Variants in ATP13A4 observed in about 807,000 individuals in gnomAD.
ATP13A4 encodes the protein probable cation-transporting ATPase 13A4.
Under a neutral mutation model 142.5 loss-of-function variants are expected in ATP13A4, and 114 were observed. The observed-to-expected ratio is 0.80, with a 90% CI of 0.69 to 0.93. The LOEUF (loss-of-function observed/expected upper bound fraction) is 0.93. Ranked by LOEUF, ATP13A4 falls within the 40% of genes least tolerant of loss-of-function variation. The pLI, the probability that ATP13A4 is intolerant of heterozygous loss-of-function variation, is 0.00. For missense variants in ATP13A4, 1,392 were observed against 1,454.0 expected, an observed-to-expected ratio of 0.96 and a Z score of 0.69; for synonymous variants, 488 against 514.8, an observed-to-expected ratio of 0.95 and a Z score of 0.70.
chr3:193,512,984 T>C (rs1246759010), intron 2 of ATP13A4, among the ~76,000 whole-genome samples: 1 of 152,258 alleles, frequency 6.6e-6, no homozygotes, highest in African/African-American at 2.4e-5. Context: ...TCACTTGCTC[T>C]TATTCCACAA....
intron 2 of ATP13A4, among the ~76,000 whole-genome samples, chr3:193,507,369 C>T (rs1720913592): frequency 6.6e-6 from 1 of 152,038 alleles, no homozygotes. Context: ...TGGCCAGACT[C>T]ATTGATGCTC....
At chr3:193,448,167 C>A in intron 18 of ATP13A4, 39 bp downstream of exon 18, 1 of 1,611,528 alleles carries the variant, frequency 6.2e-7, no homozygotes, top group Non-Finnish European at 8.5e-7. Flanking sequence ...ATTTCCACAT[C>A]AAATTCTTAC....
intron 3 of ATP13A4, among the ~76,000 whole-genome samples, chr3:193,496,483 C>G (rs959015679): frequency 6.6e-6 from 1 of 152,150 alleles, no homozygotes; most frequent in African/African-American, 2.4e-5. Context: ...AGGATAGTCT[C>G]CTTAATAAAC....
At chr3:193,418,105 G>C (rs1489778944) in intron 25 of ATP13A4, among the ~76,000 whole-genome samples, 2 of 85,312 alleles carry the variant, frequency 2.3e-5, no homozygotes, top group East Asian at 4.6e-4. Flanking sequence ...CTGGGCGACA[G>C]AGCGAGACTC....
intron 1 of ATP13A4, among the ~76,000 whole-genome samples, chr3:193,585,876 G>T (rs193247696): frequency 1.4e-4 from 22 of 152,216 alleles, no homozygotes; most frequent in Admixed American, 1.0e-3. Context: ...GACCAAAGGG[G>T]AAGTGTATAT....
In ATP13A4 at chr3:193,448,327, CT is replaced by C; in HGVS notation, c.2030del (p.Glu677GlyfsTer3). 1 of 1,613,934 alleles carries C rather than the reference CT, an allele frequency of 6.2e-7. No homozygotes were observed. ...GAAATATCAGGTCTGATTCTACCGT[CT>C]CCCTGAAAATACATATATAGATGTA... The part of the protein sequence containing the change: ...NDHHATTLTR[E>X]TVESDLIFLG... On this transcript the variant is annotated frameshift_variant and splice_region_variant, in exon 18 of 30. Transcript: ENST00000342695. LOFTEE classifies it high-confidence loss of function.
chr3:193,475,531 T>TA (rs1449506200), intron 8 of ATP13A4, among the ~76,000 whole-genome samples: 1 of 151,702 alleles, frequency 6.6e-6, no homozygotes, highest in East Asian at 1.9e-4. Context: ...TAAGAATAAA[T>TA]AAAAACCAAA....
At position 193,448,257 on chromosome 3, in the gene ATP13A4, G is replaced by C. The variant is rs1717069987; in HGVS notation, c.2101C>G (p.Pro701Ala). The change falls in exon 18 of 30, where the codon CCT becomes GCT. Residue 701 changes from proline to alanine, a missense_variant. Transcript: ENST00000342695. ...GCTGAGATGAGCTCTTCCAAGACAG[G>C]TTTTGTCTCTTCCTTCAATCGATTC... ...LENRLKEETK[P>A]VLEELISARI... is the part of the protein sequence containing the mutation. 1 of 1,613,974 alleles carries C rather than the reference G, an allele frequency of 6.2e-7. No individual in the cohort carries two copies. The highest frequency in any genetic ancestry group is 1.1e-5 in the South Asian group (1 of 91,078).
In ATP13A4 at chr3:193,503,994, CAT is replaced by C. The variant is rs1491097269; in HGVS notation, c.235-1357_235-1356del. ...CCAGGCTTAGCACAGGTTCTGTGTG[CAT>C]GTGTGTGTGTGTGTGTGTGTGTGTG... is the stretch of plus-strand genomic sequence containing the variant. On this transcript the variant is annotated intron_variant, in intron 2 of 29. Coordinates refer to ENST00000342695, the MANE Select transcript of ATP13A4 (RefSeq NM_032279.4). Among the ~76,000 whole-genome samples, 181 of 108,208 alleles carry C rather than the reference CAT, an allele frequency of 1.7e-3. 2 individuals carry two copies. In the East Asian group the frequency reaches 0.042, roughly 25 times the overall value. The allele number at this position is 108,208 out of a possible 152,430, so 71.0% of individuals were successfully genotyped here.
intron 21 of ATP13A4, among the ~76,000 whole-genome samples, chr3:193,439,673 G>T (rs371005204): frequency 6.6e-6 from 1 of 152,206 alleles, no homozygotes; most frequent in African/African-American, 2.4e-5. Context: ...ACTTTTTGAG[G>T]CTGGGTGAAT....
chr3:193,445,672 G>A (rs7620854), intron 18 of ATP13A4, among the ~76,000 whole-genome samples: 5,625 of 151,396 alleles, frequency 0.037, 347 homozygotes, highest in African/African-American at 0.13. Flanking sequence ...CAGGAGAATC[G>A]CTTGAACCCG....
chr3:193,454,287 C>T, intron 16 of ATP13A4, 75 bp from the exon 17 acceptor site: 1 of 1,149,668 alleles, frequency 8.7e-7, no homozygotes, highest in Non-Finnish European at 1.3e-6. Flanking sequence ...TCTTTACAAA[C>T]ATCCAACTTT....
In ATP13A4 at chr3:193,454,256, A is replaced by C. The variant is rs559066059; in HGVS notation, c.1916-44T>G. ...AGGGTTAGTACGCAGTTATTTGCTT[A>C]GGCAGTACTGGCAAAGAAATTCTTT... On this transcript the variant is annotated intron_variant, in intron 16 of 29. Transcript: ENST00000342695. 4.7e-5 allele frequency: 67 copies of C among 1,427,194 alleles called. 2 individuals are homozygous for C. In the South Asian group the frequency reaches 7.2e-4, roughly 15 times the overall value. 88.4% of individuals were successfully genotyped at this position (1,427,194 alleles called of 1,614,324 possible). A position where few individuals can be genotyped will look rare whatever the true frequency, so the allele number is the denominator to read the frequency against.
At chr3:193,434,490 A>T (rs1716152320) in intron 24 of ATP13A4, among the ~76,000 whole-genome samples, 1 of 152,180 alleles carries the variant, frequency 6.6e-6, no homozygotes, top group Non-Finnish European at 1.5e-5. Context: ...AGTGGAAAGG[A>T]GATAATGTTC....
At chr3:193,515,880 G>T (rs1369883792) in intron 1 of ATP13A4, among the ~76,000 whole-genome samples, 1 of 152,170 alleles carries the variant, frequency 6.6e-6, no homozygotes, top group African/African-American at 2.4e-5. Flanking sequence ...AAGACTCTTT[G>T]GGTTCAGAGA....
intron 2 of ATP13A4, among the ~76,000 whole-genome samples, chr3:193,507,378 T>G (rs1224184946): frequency 1.3e-5 from 2 of 152,200 alleles, no homozygotes; most frequent in Non-Finnish European, 2.9e-5. Context: ...TCATTGATGC[T>G]CTTAACATCC....
rs947444680 is a variant in ATP13A4, at chr3:193,462,903, G to C, written c.1462-80C>G. On this transcript the variant is annotated intron_variant, in intron 12 of 29. Transcript: ENST00000342695. Reference sequence around the variant, plus strand: ...CTCATGCCTGTAATCCCAGCACTACGGGAGGCGGAGGCAAGAGGATCACTT... The same window carrying C: ...CTCATGCCTGTAATCCCAGCACTACCGGAGGCGGAGGCAAGAGGATCACTT... The C allele has an allele frequency of 5.7e-6, 8 of 1,392,062 alleles. No homozygotes were observed. In the African/African-American group the frequency reaches 1.1e-4, roughly 20 times the overall value. The allele number at this position is 1,392,062 out of a possible 1,614,324, so 86.2% of individuals were successfully genotyped here. A position where few individuals can be genotyped will look rare whatever the true frequency, so the allele number is the denominator to read the frequency against.
At chr3:193,432,573 A>G (rs1218161632) in intron 25 of ATP13A4, among the ~76,000 whole-genome samples, 2 of 152,090 alleles carry the variant, frequency 1.3e-5, no homozygotes, top group African/African-American at 4.8e-5. Flanking sequence ...AAAGAAATGA[A>G]CTATCAAACT....
chr3:193,589,140 AAAACAAAC>A (rs71179313), intron 1 of ATP13A4, among the ~76,000 whole-genome samples: 2 of 151,970 alleles, frequency 1.3e-5, no homozygotes, highest in South Asian at 2.1e-4. Flanking sequence ...ACTCTGTCTC[AAAACAAAC>A]AAACAAACAA....
Sources: allele counts gnomAD v4.1 joint callset (sites outside exome capture counted in the v4.1 genomes callset), GRCh38; gene constraint gnomAD v4.1.1; transcripts MANE v1.5; gene names NCBI Gene and HGNC (gene_info 2026-07-23, HGNC 2026-07-21).